DUOX1: variants seen among roughly 807,000 people sequenced by gnomAD.
The protein encoded by DUOX1 is NADPH thyroid oxidase 1.
DUOX1 carries 134 observed loss-of-function variants against 181.8 expected under a neutral mutation model. The ratio of observed to expected loss-of-function variants is 0.74; its 90% CI spans 0.64 to 0.85. The LOEUF (loss-of-function observed/expected upper bound fraction) is 0.85, where lower values mean the gene tolerates loss of function less well. Among genes scored for constraint, DUOX1 ranks in the 40% least tolerant of loss-of-function variants. DUOX1 has a pLI of 0.00. For missense variants in DUOX1, 1,814 were observed against 2,064.4 expected (o/e 0.88, Z 2.35); for synonymous variants, 798 against 832.5 (o/e 0.96, Z 0.71).
chr15:45,155,565 AT>A, intron 27 of DUOX1: 1 of 494,646 alleles, frequency 2.0e-6, no homozygotes, highest in South Asian at 2.3e-5. Context: ...GCAAGACTCC[AT>A]CTCAAAAAAA....
At chr15:45,162,780 G>T (rs145398167) in intron 31 of DUOX1, among the ~76,000 whole-genome samples, 1 of 152,366 alleles carries the variant, frequency 6.6e-6, no homozygotes, top group Non-Finnish European at 1.5e-5. Flanking sequence ...AGTGAAACTG[G>T]CTCAGCTCTC....
At chr15:45,163,940 G>C (rs778937254) in intron 33 of DUOX1, 22 bp downstream of exon 33, 2 of 1,610,610 alleles carry the variant, frequency 1.2e-6, no homozygotes, top group Non-Finnish European at 1.7e-6. Flanking sequence ...CCATAACCAG[G>C]TTCTCTTCCT....
chr15:45,163,832 C>T lies in DUOX1; in HGVS notation c.4447C>T (p.Leu1483=). Residue 1483 remains leucine (L), a synonymous_variant, in exon 33 of 34, where the codon CTA becomes TTA. Coordinates refer to ENST00000389037, the MANE Select transcript of DUOX1 (RefSeq NM_175940.3). ...RHFQKVLNRS[L]FTGLRSITHF... is the part of the protein sequence containing the mutation. ...CTTCCAGAAGGTTCTGAACCGGAGT[C>T]TATTCACAGGCCTGCGCTCCATCAC... The T allele has an allele frequency of 6.2e-7, 1 of 1,614,112 alleles. No homozygotes were observed. Among genetic ancestry groups the T allele is most frequent in the Non-Finnish European group, 8.5e-7 (1 of 1,180,002 alleles).
At chr15:45,143,917 C>G (rs560450888) in intron 16 of DUOX1, 119 bp from the exon 17 acceptor site, 7 of 952,756 alleles carry the variant, frequency 7.3e-6, no homozygotes, top group South Asian at 4.6e-5. Flanking sequence ...CTCAGTACCC[C>G]AGAAGGGGAC....
chr15:45,141,998 C>T lies in DUOX1; in HGVS notation c.1708C>T (p.Gln570Ter). 1 of 1,613,252 alleles carries T rather than the reference C, an allele frequency of 6.2e-7. No homozygotes were observed. The highest frequency in any genetic ancestry group is 1.3e-5 in the African/African-American group (1 of 75,020). The change falls in exon 15 of 34, where the codon CAG (glutamine) becomes TAG (stop). Residue 570 changes from glutamine to a stop codon, truncating the protein, a stop_gained. Coordinates refer to ENST00000389037, the MANE Select transcript of DUOX1 (RefSeq NM_175940.3). LOFTEE classifies it high-confidence loss of function. ...AGGAGACCCCTGTCCGCAGCCGAGACAGCTCAGCACTGAAGGCCTGCCAGC... is the reference window on the plus strand; with the variant it reads ...AGGAGACCCCTGTCCGCAGCCGAGATAGCTCAGCACTGAAGGCCTGCCAGC... Reference protein sequence around the residue: ...HKGDPCPQPRQLSTEGLPACA... With the variant: ...HKGDPCPQPR
chr15:45,155,558 AGACTCCATCTC>A (rs1896949710), intron 27 of DUOX1: 1 of 495,398 alleles, frequency 2.0e-6, no homozygotes, highest in Non-Finnish European at 3.5e-6. Context: ...TAACAGAGCA[AGACTCCATCTC>A]AAAAAAAAAA....
rs755119994 is a variant in DUOX1, at chr15:45,148,325, T to G, written c.2696T>G (p.Val899Gly). 3 of 1,613,974 alleles carry G rather than the reference T, an allele frequency of 1.9e-6. No individual in the cohort carries two copies. The highest frequency in any genetic ancestry group is 1.6e-4 in the Middle Eastern group (1 of 6,062). The part of the protein sequence containing the change: ...NCLSKAQLAE[V>G]VESMFRESGF... The stretch of plus-strand genomic sequence containing the variant: ...CTGTCCAAGGCCCAGCTGGCTGAGG[T>G]GGTGGAGTCCATGTTCCGGGAGTCG... The change falls in exon 21 of 34, where the codon GTG (valine) becomes GGG (glycine). Residue 899 changes from valine to glycine, a missense_variant. Val to Gly is a moderately radical substitution (Grantham distance 109). Coordinates refer to ENST00000389037, the MANE Select transcript of DUOX1 (RefSeq NM_175940.3).
chr15:45,138,080 G>GTGTA, intron 10 of DUOX1, 66 bp downstream of exon 10: 3 of 786,474 alleles, frequency 3.8e-6, no homozygotes, highest in Non-Finnish European at 3.6e-6. Flanking sequence ...GTGTGTGTAT[G>GTGTA]TGTGTGTGTG....
At position 45,136,666 on chromosome 15, in the gene DUOX1, G is replaced by C. The variant is rs777077129; in HGVS notation, c.1022+41G>C. On this transcript the variant is annotated intron_variant, in intron 9 of 33. Coordinates refer to ENST00000389037, the MANE Select transcript of DUOX1 (RefSeq NM_175940.3). ...AAAGGTGTGTGTGCTGGGAGGGATG[G>C]GGCTGTCAACTGAGGAAAATCTGCC... The C allele has an allele frequency of 1.9e-6, 3 of 1,602,592 alleles. No homozygotes were observed. In the African/African-American group the frequency reaches 4.0e-5, roughly 21 times the overall value.
chr15:45,151,602 G>A (rs1263604721), intron 23 of DUOX1, among the ~76,000 whole-genome samples: 1 of 152,128 alleles, frequency 6.6e-6, no homozygotes, highest in Non-Finnish European at 1.5e-5. Context: ...GGAAGGAGAG[G>A]GACTGAGTGT....
At chr15:45,144,317 C>T in intron 17 of DUOX1, 82 bp downstream of exon 17, 1 of 1,431,462 alleles carries the variant, frequency 7.0e-7, no homozygotes, top group East Asian at 2.3e-5. Flanking sequence ...AGCATGGGGT[C>T]AGGAGGCAGG....
chr15:45,155,066 C>A (rs1300173222), intron 27 of DUOX1, among the ~76,000 whole-genome samples: 2 of 152,256 alleles, frequency 1.3e-5, no homozygotes, highest in African/African-American at 2.4e-5. Context: ...GAGAGTACAG[C>A]CTGTCATTTC....
At position 45,136,593 on chromosome 15, in the gene DUOX1, G is replaced by C. The variant is rs779457767; in HGVS notation, c.990G>C (p.Leu330=). ...TCGTGGCGGCCTCTGAGCAGTTCCT[G>C]TCCACCATGGTGCCCCCTGGCGTCT... ...SEFVAASEQF[L]STMVPPGVYM... is the part of the protein sequence containing the mutation. The change falls in exon 9 of 34, where the codon CTG becomes CTC. Residue 330 remains leucine, a synonymous_variant. Coordinates refer to ENST00000389037, the MANE Select transcript of DUOX1 (RefSeq NM_175940.3). 1 of 1,614,080 alleles carries C rather than the reference G, an allele frequency of 6.2e-7. No individual in the cohort carries two copies. Among genetic ancestry groups the C allele is most frequent in the Non-Finnish European group, 8.5e-7 (1 of 1,180,034 alleles).
At chr15:45,160,445 G>T (rs1897069068) in intron 28 of DUOX1, among the ~76,000 whole-genome samples, 1 of 152,176 alleles carries the variant, frequency 6.6e-6, no homozygotes, top group Non-Finnish European at 1.5e-5. Context: ...CAATGGGAAG[G>T]CCACCAAAGC....
chr15:45,153,360 C>T lies in DUOX1; in HGVS notation c.3425-20C>T, dbSNP rs1046051159. On this transcript the variant is annotated intron_variant, in intron 25 of 33. Transcript: ENST00000389037. ...ACCCTGGGCTGCCCCAAGCTCACCA[C>T]TTGGTCTGCTCTTCCTTAGTCTTAC... is the stretch of plus-strand genomic sequence containing the variant. 2.5e-6 allele frequency: 4 copies of T among 1,609,074 alleles called. No individual in the cohort carries two copies. The highest frequency in any genetic ancestry group is 1.7e-5 in the Admixed American group (1 of 59,990).
At chr15:45,139,317 T>C in intron 11 of DUOX1, 110 bp from the exon 12 acceptor site, 1 of 1,586,234 alleles carries the variant, frequency 6.3e-7, no homozygotes, top group Middle Eastern at 1.7e-4. Flanking sequence ...ATGCTGACCA[T>C]GGCTCCTTCT....
At position 45,148,285 on chromosome 15, in the gene DUOX1, A is replaced by G. The variant is rs1398495988; in HGVS notation, c.2656A>G (p.Ile886Val). Residue 886 changes from isoleucine to valine, a missense_variant, in exon 21 of 34, where the codon ATC becomes GTC. By Grantham distance (29) the Ile-to-Val change is conservative. Around this residue, in one of 5 missense-constraint regions of DUOX1, gnomAD observed 1,064 missense variants for 1,152.9 expected, o/e 0.92. Transcript: ENST00000389037. Reference protein sequence around the residue: ...FIRMLRSFIEISNNCLSKAQL... With the variant: ...FIRMLRSFIEVSNNCLSKAQL... ...CCCCAACCCCAGATCCTTCATCGAGATCTCCAACAACTGCCTGTCCAAGGC... is the reference window on the plus strand; with the variant it reads ...CCCCAACCCCAGATCCTTCATCGAGGTCTCCAACAACTGCCTGTCCAAGGC... 24 of 1,614,074 alleles carry G rather than the reference A, an allele frequency of 1.5e-5. No individual in the cohort carries two copies. The Admixed American group carries it at 4.0e-4, about 27-fold the overall frequency.
intron 27 of DUOX1, among the ~76,000 whole-genome samples, chr15:45,154,403 A>G (rs1054021068): frequency 2.0e-5 from 3 of 152,154 alleles, no homozygotes; most frequent in African/African-American, 7.2e-5. Flanking sequence ...GTCAAGCCAG[A>G]CAGAGGCGCC....
intron 8 of DUOX1, 24 bp downstream of exon 8, chr15:45,136,434 G>A (rs1384206040): frequency 3.1e-6 from 5 of 1,614,074 alleles, no homozygotes; most frequent in Admixed American, 1.7e-5. Flanking sequence ...GAAGGAGGAT[G>A]GGAGGGCTTG....
Sources: allele counts gnomAD v4.1 joint callset (sites outside exome capture counted in the v4.1 genomes callset), GRCh38; gene constraint gnomAD v4.1.1; regional missense constraint gnomAD v4.1.1; transcripts MANE v1.5; gene names NCBI Gene and HGNC (gene_info 2026-07-23, HGNC 2026-07-21).